The following TCEA1 variants were observed in gnomAD, a reference collection of about 807,000 sequenced individuals.
TCEA1 encodes transcription elongation factor A protein 1.
TCEA1 carries 21 observed loss-of-function variants against 43.8 expected under a neutral mutation model. The ratio of observed to expected loss-of-function variants is 0.48; its 90% CI spans 0.34 to 0.69. TCEA1 has a LOEUF of 0.69. Ranked by LOEUF, TCEA1 falls within the 30% of genes least tolerant of loss-of-function variation. TCEA1 has a pLI of 0.01. For missense variants in TCEA1, 250 were observed against 365.1 expected, an observed-to-expected ratio of 0.68 and a Z score of 2.57; for synonymous variants, 104 against 117.5, an observed-to-expected ratio of 0.88 and a Z score of 0.75.
At chr8:54,022,024 C>G in intron 1 of TCEA1, 39 bp downstream of exon 1, 1 of 1,555,006 alleles carries the variant, frequency 6.4e-7, no homozygotes, top group Non-Finnish European at 8.7e-7. Flanking sequence ...GGACCGCGGC[C>G]CGGCCTCCCT....
chr8:54,013,496 T>C (rs1303512896), intron 1 of TCEA1, among the ~76,000 whole-genome samples: 10 of 151,840 alleles, frequency 6.6e-5, no homozygotes, highest in Admixed American at 4.6e-4. Flanking sequence ...CTGGCCAACA[T>C]GGTGAAACTC....
intron 1 of TCEA1, among the ~76,000 whole-genome samples, chr8:54,012,838 G>C (rs1804695170): frequency 6.6e-6 from 1 of 151,960 alleles, no homozygotes; most frequent in South Asian, 2.1e-4. Context: ...AGAAGCTGAG[G>C]CGGGAGGACT....
chr8:53,986,074 G>C (rs1803681501), intron 6 of TCEA1, among the ~76,000 whole-genome samples: 1 of 152,268 alleles, frequency 6.6e-6, no homozygotes, highest in African/African-American at 2.4e-5. Context: ...TATACCAACA[G>C]GAAAAATTAA....
chr8:53,973,134 G>C (rs769075471), intron 8 of TCEA1: 16 of 599,976 alleles, frequency 2.7e-5, no homozygotes, highest in Admixed American at 4.4e-5. Context: ...AGGTGATGAT[G>C]AAGTCAATGT....
chr8:54,002,333 G>C lies in TCEA1; in HGVS notation c.127-2283C>G, dbSNP rs919832369. ...AAGTACAAAAAATTAGCTGGGCATGGTGGCACGCACCTGTAGTCCCAGCTA... is the reference window on the plus strand; with the variant it reads ...AAGTACAAAAAATTAGCTGGGCATGCTGGCACGCACCTGTAGTCCCAGCTA... On this transcript the variant is annotated intron_variant, in intron 2 of 9. Coordinates refer to ENST00000521604, the MANE Select transcript of TCEA1 (RefSeq NM_006756.4). 2.0e-5 allele frequency among the ~76,000 whole-genome samples: 3 copies of C among 152,026 alleles called. No individual in the cohort carries two copies. In the South Asian group the frequency reaches 6.2e-4, roughly 32 times the overall value.
rs973627782 is a variant in TCEA1 at position 54,022,379 on chromosome 8, G to A, written c.-254C>T. On this transcript the variant is annotated 5_prime_UTR_variant, in exon 1 of 10. Coordinates refer to ENST00000521604, the MANE Select transcript of TCEA1 (RefSeq NM_006756.4). ...AGGCGCTACCAACTGACTGCAGATC[G>A]CTGGTGAGGGGCGAGCCCATGTTCC... The A allele has an allele frequency of 3.7e-6, 2 of 535,200 alleles. No individual in the cohort carries two copies. The highest frequency in any genetic ancestry group is 2.2e-5 in the South Asian group (1 of 46,138). 33.2% of individuals were successfully genotyped at this position (535,200 alleles called of 1,614,324 possible). A position where few individuals can be genotyped will look rare whatever the true frequency, so the allele number is the denominator to read the frequency against.
At chr8:54,002,993 A>G in intron 2 of TCEA1, 2 of 456,300 alleles carry the variant, frequency 4.4e-6, no homozygotes, top group South Asian at 3.1e-5. Context: ...CACTGTTAAC[A>G]TCACAGGAAA....
intron 1 of TCEA1, among the ~76,000 whole-genome samples, chr8:54,020,799 A>C (rs1804997976): frequency 6.6e-6 from 1 of 152,252 alleles, no homozygotes; most frequent in Admixed American, 6.5e-5. Context: ...CATGGAATTT[A>C]CTTCATAGAT....
intron 4 of TCEA1, chr8:53,993,434 CTTG>C (rs1337928960): frequency 5.5e-5 from 18 of 329,190 alleles, no homozygotes; most frequent in Non-Finnish European, 9.8e-5. Context: ...TTCAATTAAA[CTTG>C]TTGAGTACAA....
chr8:53,997,020 C>A (rs924775722), intron 3 of TCEA1, among the ~76,000 whole-genome samples: 2 of 150,980 alleles, frequency 1.3e-5, no homozygotes, highest in Non-Finnish European at 2.9e-5. Flanking sequence ...CTGCCTCAGC[C>A]TCTCGAGTAG....
intron 7 of TCEA1, among the ~76,000 whole-genome samples, chr8:53,983,710 A>T (rs1327229393): frequency 1.3e-5 from 2 of 152,174 alleles, no homozygotes; most frequent in African/African-American, 4.8e-5. Flanking sequence ...GACCAATTTT[A>T]TAGTGTTTAA....
rs764788189 is a variant in TCEA1 at position 54,000,020 on chromosome 8, T to C, written c.157A>G (p.Ile53Val). 30 of 1,598,292 alleles carry C rather than the reference T, an allele frequency of 1.9e-5. No homozygotes were observed. Among genetic ancestry groups the C allele is most frequent in the Middle Eastern group, 1.7e-4 (1 of 6,020 alleles). ...TCCTCATCTGTACTCTGCTTGCGAA[T>C]AGCATTAACTGACATTCCGATTCTT... The part of the protein sequence containing the change: ...STRIGMSVNA[I>V]RKQSTDEEVT... Residue 53 changes from isoleucine to valine, a missense_variant, in exon 3 of 10, where the codon ATT becomes GTT. Ile to Val is a conservative substitution (Grantham distance 29). This residue lies in a region of TCEA1 where 27 missense variants were observed against 63.1 expected (regional missense o/e 0.43). Coordinates refer to ENST00000521604, the MANE Select transcript of TCEA1 (RefSeq NM_006756.4).
intron 1 of TCEA1, among the ~76,000 whole-genome samples, chr8:54,014,173 C>T (rs1406726762): frequency 6.6e-6 from 1 of 152,208 alleles, no homozygotes; most frequent in Non-Finnish European, 1.5e-5. Flanking sequence ...GTAGTAAGGT[C>T]ATGAACTAGT....
Position 53,975,040 on chromosome 8 carries a change from TAA to T in TCEA1, c.825+3983_825+3984del, listed in dbSNP as rs531602027. On this transcript the variant is annotated intron_variant, in intron 8 of 9. Transcript: ENST00000521604. ...AAGAACTTTTTGTTGTTTATCATGTTAAGTTTGTTTATGAAATTAATTTGTAA... is the reference window on the plus strand; with the variant it reads ...AAGAACTTTTTGTTGTTTATCATGTTGTTTGTTTATGAAATTAATTTGTAA... Among the ~76,000 whole-genome samples the T allele has an allele frequency of 7.6e-3, 1,152 of 152,276 alleles. 14 individuals are homozygous for T. The highest frequency in any genetic ancestry group is 0.014 in the South Asian group (69 of 4,824).
At chr8:53,985,962 A>G (rs536541893) in intron 6 of TCEA1, among the ~76,000 whole-genome samples, 2 of 152,362 alleles carry the variant, frequency 1.3e-5, no homozygotes, top group South Asian at 2.1e-4. Flanking sequence ...TTCCTTTTCA[A>G]TAACAGGAAA....
intron 1 of TCEA1, 195 bp downstream of exon 1, chr8:54,021,867 CG>C (rs1805046714): frequency 7.1e-6 from 3 of 420,858 alleles, no homozygotes; most frequent in Non-Finnish European, 1.2e-5. Context: ...CAAGAGCGAG[CG>C]GGTCCTAACG....
At chr8:53,992,362 C>G (rs1308293654) in intron 4 of TCEA1, among the ~76,000 whole-genome samples, 1 of 152,042 alleles carries the variant, frequency 6.6e-6, no homozygotes, top group Non-Finnish European at 1.5e-5. Context: ...CCTGTAATCC[C>G]AGCACTTTGG....
At chr8:53,978,845 G>A (rs1196201097) in intron 8 of TCEA1, 180 bp downstream of exon 8, 4 of 541,236 alleles carry the variant, frequency 7.4e-6, no homozygotes, top group South Asian at 4.4e-5. Context: ...CGGAAAAAAC[G>A]TGGTATACAT....
At chr8:53,995,490 C>A (rs1242530220) in intron 3 of TCEA1, among the ~76,000 whole-genome samples, 1 of 151,986 alleles carries the variant, frequency 6.6e-6, no homozygotes, top group Non-Finnish European at 1.5e-5. Context: ...AACACATAGC[C>A]TTGAAGCTAA....
Sources: gnomAD v4.1 joint callset for allele counts (sites outside exome capture counted in the v4.1 genomes callset) on GRCh38, gnomAD v4.1.1 for gene constraint, gnomAD v4.1.1 regional missense constraint, MANE v1.5 for transcripts, NCBI Gene and HGNC (gene_info 2026-07-23, HGNC 2026-07-21) for gene names.